LRRTM4: variants seen among roughly 807,000 people sequenced by gnomAD.
LRRTM4 encodes leucine-rich repeat transmembrane neuronal protein 4.
In LRRTM4, 25 loss-of-function variants were observed where a neutral mutation model predicts 47.6. The observed-to-expected ratio is 0.53, with a 90% CI of 0.38 to 0.73. The LOEUF (loss-of-function observed/expected upper bound fraction) is 0.73, where lower values mean the gene tolerates loss of function less well. Ranked by LOEUF, LRRTM4 falls within the 30% of genes least tolerant of loss-of-function variation. LRRTM4 has a pLI of 0.00. For synonymous variants in LRRTM4, 311 were observed against 269.5 expected, an observed-to-expected ratio of 1.15 and a Z score of -1.51; for missense variants, 638 against 713.4, an observed-to-expected ratio of 0.89 and a Z score of 1.20.
At chr2:77,299,160 T>A (rs1326839097) in intron 3 of LRRTM4, among the ~76,000 whole-genome samples, 3 of 151,924 alleles carry the variant, frequency 2.0e-5, no homozygotes, top group Non-Finnish European at 4.4e-5. Context: ...ACACTCTACA[T>A]GGTCCCTCGC....
chr2:77,361,256 G>A (rs1217009335), intron 3 of LRRTM4, among the ~76,000 whole-genome samples: 1 of 150,282 alleles, frequency 6.7e-6, no homozygotes, highest in Non-Finnish European at 1.5e-5. Context: ...AAATTGGGTA[G>A]TAACTTTTTA....
At chr2:77,135,177 G>T (rs558966317) in intron 3 of LRRTM4, among the ~76,000 whole-genome samples, 1 of 152,090 alleles carries the variant, frequency 6.6e-6, no homozygotes, top group Non-Finnish European at 1.5e-5. Flanking sequence ...CAGTTCCTTC[G>T]CAGGAAATGG....
intron 3 of LRRTM4, among the ~76,000 whole-genome samples, chr2:77,124,753 A>T (rs539554972): frequency 6.6e-6 from 1 of 152,150 alleles, no homozygotes; most frequent in Non-Finnish European, 1.5e-5. Context: ...TTTCCAGACA[A>T]TGGAGCATGG....
chr2:76,886,312 T>C (rs1361327936), intron 3 of LRRTM4, among the ~76,000 whole-genome samples: 1 of 152,168 alleles, frequency 6.6e-6, no homozygotes, highest in Admixed American at 6.5e-5. Flanking sequence ...TAATCATAAT[T>C]AGACAACCTT....
At chr2:77,049,128 A>T (rs1055420701) in intron 3 of LRRTM4, among the ~76,000 whole-genome samples, 6 of 98,586 alleles carry the variant, frequency 6.1e-5, no homozygotes, top group African/African-American at 2.9e-4. Flanking sequence ...TTTTTTATAT[A>T]TATATATATA....
chr2:76,779,688 A>C (rs1339861677), intron 3 of LRRTM4, among the ~76,000 whole-genome samples: 1 of 151,866 alleles, frequency 6.6e-6, no homozygotes, highest in Non-Finnish European at 1.5e-5. Flanking sequence ...TGAATACAGC[A>C]CACTGATGGG....
At chr2:77,268,664 A>G (rs1439189392) in intron 3 of LRRTM4, among the ~76,000 whole-genome samples, 1 of 152,194 alleles carries the variant, frequency 6.6e-6, no homozygotes, top group East Asian at 1.9e-4. Context: ...GCTGATATAC[A>G]ATAGTTGTAC....
intron 3 of LRRTM4, among the ~76,000 whole-genome samples, chr2:77,259,288 C>T (rs796691567): frequency 1.3e-5 from 2 of 151,998 alleles, no homozygotes; most frequent in African/African-American, 2.4e-5. Context: ...TTTAAACACT[C>T]ATAAAGTGGA....
chr2:76,780,616 C>A (rs906049180), intron 3 of LRRTM4, among the ~76,000 whole-genome samples: 1 of 152,170 alleles, frequency 6.6e-6, no homozygotes, highest in Non-Finnish European at 1.5e-5. Context: ...CCATCACCTC[C>A]TTTAAGCACT....
intron 3 of LRRTM4, among the ~76,000 whole-genome samples, chr2:76,961,353 A>G (rs566325143): frequency 5.9e-5 from 9 of 151,420 alleles, no homozygotes; most frequent in Non-Finnish European, 1.0e-4. Context: ...GCGAAATATT[A>G]GAGATGGAAC....
At chr2:77,469,721 TG>T (rs373473638) in intron 3 of LRRTM4, among the ~76,000 whole-genome samples, 131,982 of 151,928 alleles carry the variant, frequency 0.87, 57,442 homozygotes, top group South Asian at 0.92. Context: ...CATATATATA[TG>T]TATAGCATAT....
intron 3 of LRRTM4, among the ~76,000 whole-genome samples, chr2:77,386,410 G>T (rs916903259): frequency 2.0e-5 from 3 of 152,074 alleles, no homozygotes; most frequent in African/African-American, 7.2e-5. Context: ...GAGAAGGATG[G>T]TTCCAGCTTC....
intron 3 of LRRTM4, among the ~76,000 whole-genome samples, chr2:76,903,719 A>G (rs548707971): frequency 1.3e-5 from 2 of 152,336 alleles, no homozygotes; most frequent in South Asian, 4.1e-4. Context: ...AGAAACATCT[A>G]TAAAGCACTT....
At chr2:77,383,935 T>C (rs563567285) in intron 3 of LRRTM4, among the ~76,000 whole-genome samples, 4 of 152,128 alleles carry the variant, frequency 2.6e-5, no homozygotes, top group Non-Finnish European at 5.9e-5. Context: ...AGAGAACCAC[T>C]ACACTAGGCT....
At chr2:77,247,876 T>G (rs1675491613) in intron 3 of LRRTM4, among the ~76,000 whole-genome samples, 1 of 151,496 alleles carries the variant, frequency 6.6e-6, no homozygotes, top group Admixed American at 6.6e-5. Flanking sequence ...CAATTGATGA[T>G]TTTAAAATTA....
rs192515226 is a variant in LRRTM4 at position 76,860,669 on chromosome 2, C to T, written c.1552-111753G>A. On this transcript the variant is annotated intron_variant, in intron 3 of 3. Transcript: ENST00000409884. The stretch of plus-strand genomic sequence containing the variant: ...TTTTAAGACTGTTCTGTTTGCACTT[C>T]TTAATTCTGTAAAAGAGAAACCAGA... Among the ~76,000 whole-genome samples the T allele has an allele frequency of 5.1e-4, 77 of 152,116 alleles. No individual in the cohort carries two copies. In the East Asian group the frequency reaches 9.9e-3, roughly 19 times the overall value.
At chr2:76,954,739 C>T (rs564305255) in intron 3 of LRRTM4, among the ~76,000 whole-genome samples, 3 of 151,542 alleles carry the variant, frequency 2.0e-5, no homozygotes, top group South Asian at 2.1e-4. Flanking sequence ...CTGATATACG[C>T]GATAATAAAA....
At chr2:76,941,939 A>G (rs1675158343) in intron 3 of LRRTM4, among the ~76,000 whole-genome samples, 1 of 152,152 alleles carries the variant, frequency 6.6e-6, no homozygotes, top group Admixed American at 6.5e-5. Context: ...ACAGTGTAAA[A>G]TCATTACTAT....
chr2:76,797,880 T>G (rs1415015463), intron 3 of LRRTM4, among the ~76,000 whole-genome samples: 1 of 151,748 alleles, frequency 6.6e-6, no homozygotes, highest in African/African-American at 2.4e-5. Flanking sequence ...GGCCATTACA[T>G]GATGGTAAAG....
Sources: allele counts gnomAD v4.1 joint callset (sites outside exome capture counted in the v4.1 genomes callset), GRCh38; gene constraint gnomAD v4.1.1; transcripts MANE v1.5; gene names NCBI Gene and HGNC (gene_info 2026-07-23, HGNC 2026-07-21).